The following FBXL7 variants were observed in gnomAD, a reference collection of about 807,000 sequenced individuals.
FBXL7 encodes the protein F-box and leucine rich repeat protein 7.
A neutral mutation model predicts 38.3 loss-of-function variants in FBXL7; 12 were observed. That is an observed-to-expected ratio of 0.31 (90% CI 0.20 to 0.51). FBXL7 has a LOEUF of 0.51. FBXL7 is among the 20% of genes least tolerant of loss of function. FBXL7 has a pLI of 0.98. For missense variants in FBXL7, 567 were observed against 676.4 expected (o/e 0.84, Z 1.79); for synonymous variants, 297 against 300.9 (o/e 0.99, Z 0.13).
At chr5:15,803,687 T>A (rs950424049) in intron 2 of FBXL7, among the ~76,000 whole-genome samples, 1 of 152,132 alleles carries the variant, frequency 6.6e-6, no homozygotes, top group African/African-American at 2.4e-5. Context: ...TAGCCTTTTC[T>A]CCAAAGGCTT....
chr5:15,822,289 G>A (rs1418949908), intron 2 of FBXL7, among the ~76,000 whole-genome samples: 1 of 150,626 alleles, frequency 6.6e-6, no homozygotes, highest in Non-Finnish European at 1.5e-5. Flanking sequence ...TTGAACCCAG[G>A]AGGCAGAGGT....
At chr5:15,935,181 G>A (rs775089891) in intron 3 of FBXL7, 1 of 534,732 alleles carries the variant, frequency 1.9e-6, no homozygotes, top group East Asian at 5.5e-5. Flanking sequence ...AGAGCCCCGG[G>A]GTGCAGATCC....
intron 2 of FBXL7, among the ~76,000 whole-genome samples, chr5:15,639,226 C>T (rs536973904): frequency 6.6e-6 from 1 of 152,294 alleles, no homozygotes; most frequent in South Asian, 2.1e-4. Flanking sequence ...GCTTTAGACT[C>T]AGACAGCCCT....
chr5:15,936,283 G>T lies in FBXL7; in HGVS notation c.740-167G>T, dbSNP rs1027674343. ...TGTAGTTAAATAATCAGATAAATAT[G>T]GGGAACCCATTCTTGCATTTCCTCT... On this transcript the variant is annotated intron_variant, in intron 3 of 3. Coordinates refer to ENST00000504595, the MANE Select transcript of FBXL7 (RefSeq NM_012304.5). This position sits in a 1 kb window ranked among gnomAD's most constrained non-coding sequence, Gnocchi z 6.0. Among the ~76,000 whole-genome samples, 3 of 152,228 alleles carry T rather than the reference G, an allele frequency of 2.0e-5. No individual in the cohort carries two copies. Among genetic ancestry groups the T allele is most frequent in the Non-Finnish European group, 4.4e-5 (3 of 68,050 alleles).
chr5:15,843,999 C>CT (rs35839393), intron 2 of FBXL7, among the ~76,000 whole-genome samples: 15 of 151,378 alleles, frequency 9.9e-5, no homozygotes, highest in Non-Finnish European at 1.5e-4. Context: ...AGAGAAGTGC[C>CT]TTTTTTTTAA....
At chr5:15,546,497 G>A (rs1338786294) in intron 1 of FBXL7, among the ~76,000 whole-genome samples, 2 of 151,570 alleles carry the variant, frequency 1.3e-5, no homozygotes, top group Admixed American at 1.3e-4. Context: ...AATCCGGGAT[G>A]CAGAGGTTGC....
At chr5:15,572,231 T>C (rs1195882897) in intron 1 of FBXL7, among the ~76,000 whole-genome samples, 2 of 152,096 alleles carry the variant, frequency 1.3e-5, no homozygotes, top group Non-Finnish European at 1.5e-5. Flanking sequence ...GAAATAATGA[T>C]ACTTGCTCTA....
chr5:15,503,762 G>C (rs1039521858), intron 1 of FBXL7, among the ~76,000 whole-genome samples: 1 of 152,020 alleles, frequency 6.6e-6, no homozygotes, highest in Non-Finnish European at 1.5e-5. Flanking sequence ...TAGATAGCTC[G>C]ACTATAAAAT....
Position 15,909,434 on chromosome 5 carries a change from C to T in FBXL7, c.128-18456C>T, listed in dbSNP as rs1371557763. On this transcript the variant is annotated intron_variant, in intron 2 of 3. Coordinates refer to ENST00000504595, the MANE Select transcript of FBXL7 (RefSeq NM_012304.5). ...TTTTTTTCTTTATTAGTCTTGCTAG[C>T]GGTCTATCAATTTTGTTGATCCTTT... 3.6e-4 allele frequency among the ~76,000 whole-genome samples: 10 copies of T among 28,118 alleles called. 4 individuals are homozygous for T. Among genetic ancestry groups the T allele is most frequent in the Non-Finnish European group, 6.2e-4 (9 of 14,554 alleles). The allele number at this position is 28,118 out of a possible 152,430, so 18.4% of individuals were successfully genotyped here. A position where few individuals can be genotyped will look rare whatever the true frequency, so the allele number is the denominator to read the frequency against.
At chr5:15,725,986 G>A (rs1395932356) in intron 2 of FBXL7, among the ~76,000 whole-genome samples, 1 of 152,104 alleles carries the variant, frequency 6.6e-6, no homozygotes, top group Non-Finnish European at 1.5e-5. Context: ...AACTATTATT[G>A]TAGAACTGTG....
intron 3 of FBXL7, among the ~76,000 whole-genome samples, chr5:15,930,011 G>A (rs565818119): frequency 2.6e-5 from 4 of 152,224 alleles, no homozygotes; most frequent in Admixed American, 1.3e-4. Context: ...TCTCTCTTTC[G>A]AAAGCCGACG....
intron 1 of FBXL7, among the ~76,000 whole-genome samples, chr5:15,502,943 T>C (rs1580340639): frequency 2.0e-5 from 3 of 152,184 alleles, no homozygotes; most frequent in Admixed American, 6.5e-5. Flanking sequence ...TTCTGTATGG[T>C]ATATCTCAAA....
chr5:15,575,824 A>G (rs1378045690), intron 1 of FBXL7, among the ~76,000 whole-genome samples: 1 of 152,184 alleles, frequency 6.6e-6, no homozygotes, highest in African/African-American at 2.4e-5. Flanking sequence ...TTGTTTTAGC[A>G]CAATATGCCT....
chr5:15,797,035 C>T (rs1737434069), intron 2 of FBXL7, among the ~76,000 whole-genome samples: 1 of 152,164 alleles, frequency 6.6e-6, no homozygotes, highest in East Asian at 1.9e-4. Flanking sequence ...TTTTTGCTGG[C>T]TTTAAAAAAT....
chr5:15,657,394 C>T (rs1018424686), intron 2 of FBXL7, among the ~76,000 whole-genome samples: 10 of 152,138 alleles, frequency 6.6e-5, no homozygotes, highest in African/African-American at 1.9e-4. Context: ...AACATAGTAC[C>T]GGCCTGCAGT....
chr5:15,629,047 G>A (rs1209578651), intron 2 of FBXL7, among the ~76,000 whole-genome samples: 1 of 152,142 alleles, frequency 6.6e-6, no homozygotes. Flanking sequence ...GGAGGCTGAG[G>A]TGGGAGGGTT....
rs140713789 is a variant in FBXL7 at position 15,929,773 on chromosome 5, C to G, written c.739+1272C>G. Among the ~76,000 whole-genome samples the G allele has an allele frequency of 4.9e-3, 741 of 152,284 alleles. 3 individuals carry two copies. Among genetic ancestry groups the G allele is most frequent in the Non-Finnish European group, 7.4e-3 (503 of 68,030 alleles). ...GCCTGGACTAACAGCCCTTCCTTAT[C>G]TCATTTGCTGCCTAGTCAAAAGATG... On this transcript the variant is annotated intron_variant, in intron 3 of 3. Transcript: ENST00000504595.
chr5:15,704,601 G>C (rs942888816), intron 2 of FBXL7, among the ~76,000 whole-genome samples: 1 of 152,184 alleles, frequency 6.6e-6, no homozygotes, highest in East Asian at 1.9e-4. Context: ...CCTACTGGCA[G>C]GGTCCAAGTC....
intron 1 of FBXL7, among the ~76,000 whole-genome samples, chr5:15,546,146 T>C (rs1038841408): frequency 2.6e-5 from 4 of 152,256 alleles, no homozygotes; most frequent in African/African-American, 9.6e-5. Context: ...ATATTGTTTC[T>C]AGGACAGATG....
Sources: gnomAD v4.1 joint callset for allele counts (sites outside exome capture counted in the v4.1 genomes callset) on GRCh38, gnomAD v4.1.1 for gene constraint, Gnocchi (gnomAD v3.1) non-coding constraint, MANE v1.5 for transcripts, NCBI Gene and HGNC (gene_info 2026-07-23, HGNC 2026-07-21) for gene names.